The following STPG2 variants were observed in gnomAD, a reference collection of about 807,000 sequenced individuals.
STPG2 encodes the protein sperm-tail PG-rich repeat-containing protein 2.
In STPG2, 56 loss-of-function variants were observed where a neutral mutation model predicts 54.2. The observed-to-expected ratio is 1.03, with a 90% CI of 0.83 to 1.29. The LOEUF is 1.29. Ranked by LOEUF, STPG2 falls within the 50% of genes most tolerant of loss-of-function variation. STPG2 has a pLI of 0.00. For missense variants in STPG2, 596 were observed against 544.9 expected (o/e 1.09, Z -0.93); for synonymous variants, 200 against 181.8 (o/e 1.10, Z -0.81).
At chr4:97,472,335 G>C (rs1729957941) in intron 4 of STPG2, among the ~76,000 whole-genome samples, 1 of 152,198 alleles carries the variant, frequency 6.6e-6, no homozygotes. Context: ...CAGTCAGTGG[G>C]CATCCCCAAA....
chr4:98,100,818 G>A (rs1480175681), intron 5 of STPG2, among the ~76,000 whole-genome samples: 1 of 151,718 alleles, frequency 6.6e-6, no homozygotes, highest in Non-Finnish European at 1.5e-5. Context: ...TGGGATTACA[G>A]GCACGTGCCA....
At chr4:97,879,560 A>C (rs915246465) in intron 8 of STPG2, among the ~76,000 whole-genome samples, 2 of 152,162 alleles carry the variant, frequency 1.3e-5, no homozygotes, top group African/African-American at 2.4e-5. Flanking sequence ...TTATACCATG[A>C]GAACAGTATG....
At chr4:98,075,220 C>T (rs1302395057) in intron 5 of STPG2, among the ~76,000 whole-genome samples, 1 of 152,186 alleles carries the variant, frequency 6.6e-6, no homozygotes, top group Non-Finnish European at 1.5e-5. Flanking sequence ...ACATTTTTAG[C>T]TCCCACTTTC....
At chr4:97,933,085 T>C (rs896812433) in intron 8 of STPG2, among the ~76,000 whole-genome samples, 3 of 152,220 alleles carry the variant, frequency 2.0e-5, no homozygotes, top group Non-Finnish European at 4.4e-5. Flanking sequence ...TGGTATCTTA[T>C]TGTGGTTTTG....
chr4:98,113,515 G>A (rs887727764), intron 3 of STPG2, among the ~76,000 whole-genome samples: 7 of 152,058 alleles, frequency 4.6e-5, no homozygotes, highest in African/African-American at 7.2e-5. Flanking sequence ...AGCACTGTAC[G>A]TGGTCTCAGT....
At chr4:97,482,401 A>G (rs910765441) in intron 4 of STPG2, among the ~76,000 whole-genome samples, 31 of 151,688 alleles carry the variant, frequency 2.0e-4, no homozygotes, top group Non-Finnish European at 3.7e-4. Flanking sequence ...ACACTTATAG[A>G]AATGCAAAAT....
At chr4:97,566,539 G>A (rs1381647853) in intron 10 of STPG2, among the ~76,000 whole-genome samples, 2 of 152,180 alleles carry the variant, frequency 1.3e-5, no homozygotes, top group African/African-American at 2.4e-5. Context: ...CGCTCACGCT[G>A]GGAGCTGTAG....
chr4:98,018,192 A>G (rs1736033500), intron 5 of STPG2, among the ~76,000 whole-genome samples: 2 of 147,164 alleles, frequency 1.4e-5, no homozygotes, highest in Non-Finnish European at 1.5e-5. Context: ...AACAGTCCCC[A>G]GAGTGTGATG....
At chr4:97,967,682 A>G (rs868362616) in intron 7 of STPG2, among the ~76,000 whole-genome samples, 1 of 152,226 alleles carries the variant, frequency 6.6e-6, no homozygotes, top group Non-Finnish European at 1.5e-5. Context: ...GTGCAATCAA[A>G]TTAGAACTCA....
chr4:97,544,965 T>C (rs536190337), intron 4 of STPG2, among the ~76,000 whole-genome samples: 1 of 152,100 alleles, frequency 6.6e-6, no homozygotes, highest in African/African-American at 2.4e-5. Flanking sequence ...ATTGTTTTCT[T>C]ACACTGTAGC....
chr4:98,137,604 T>C (rs1414222026), intron 1 of STPG2, among the ~76,000 whole-genome samples: 5 of 151,782 alleles, frequency 3.3e-5, no homozygotes, highest in Admixed American at 3.3e-4. Context: ...CTGAGATAAA[T>C]ATGAAAACTA....
At chr4:97,919,449 A>T (rs1489236710) in intron 8 of STPG2, among the ~76,000 whole-genome samples, 1 of 59,534 alleles carries the variant, frequency 1.7e-5, no homozygotes, top group Non-Finnish European at 4.1e-5. Context: ...CAGAAAAATT[A>T]AAAAAAAGAA....
chr4:97,511,832 C>T (rs562314417), intron 4 of STPG2, among the ~76,000 whole-genome samples: 12 of 151,370 alleles, frequency 7.9e-5, no homozygotes, highest in African/African-American at 1.5e-4. Flanking sequence ...TGAGCTGGTA[C>T]GATTTTGCAA....
intron 4 of STPG2, among the ~76,000 whole-genome samples, chr4:97,449,657 C>T (rs556185516): frequency 6.6e-6 from 1 of 152,080 alleles, no homozygotes; most frequent in Non-Finnish European, 1.5e-5. Context: ...TTCCCCTCCA[C>T]AAGAATGCCA....
intron 5 of STPG2, among the ~76,000 whole-genome samples, chr4:98,078,256 T>C (rs758549105): frequency 3.9e-5 from 6 of 152,146 alleles, no homozygotes; most frequent in Non-Finnish European, 5.9e-5. Flanking sequence ...TTTGTTATCA[T>C]TATAATTTGG....
chr4:97,535,625 G>T (rs750942508), intron 4 of STPG2, among the ~76,000 whole-genome samples: 1 of 151,976 alleles, frequency 6.6e-6, no homozygotes, highest in African/African-American at 2.4e-5. Flanking sequence ...CCTCTTTCTT[G>T]TTCTGATGTA....
intron 9 of STPG2, among the ~76,000 whole-genome samples, chr4:97,772,535 C>A (rs1156506059): frequency 6.6e-6 from 1 of 151,896 alleles, no homozygotes; most frequent in Non-Finnish European, 1.5e-5. Context: ...AACAATAAAT[C>A]AAAAAACAGT....
At chr4:97,989,591 C>A (rs1734946906) in intron 5 of STPG2, among the ~76,000 whole-genome samples, 5 of 152,142 alleles carry the variant, frequency 3.3e-5, no homozygotes, top group Admixed American at 2.0e-4. Flanking sequence ...ATCTTAGCAA[C>A]CTCAACATAT....
chr4:98,097,583 C>T lies in STPG2; in HGVS notation c.612+8370G>A, dbSNP rs546472796. Reference sequence around the variant, plus strand: ...ACATGGAACATGACAAGGATGTCCACTTTCACCACTGTTACTCAACATAGT... The same window carrying T: ...ACATGGAACATGACAAGGATGTCCATTTTCACCACTGTTACTCAACATAGT... On this transcript the variant is annotated intron_variant, in intron 5 of 10. Transcript: ENST00000295268. Among the ~76,000 whole-genome samples the T allele has an allele frequency of 1.6e-4, 24 of 152,250 alleles. No individual in the cohort carries two copies. The South Asian group carries it at 4.8e-3, about 30-fold the overall frequency.
Sources: gnomAD v4.1 joint callset for allele counts (sites outside exome capture counted in the v4.1 genomes callset) on GRCh38, gnomAD v4.1.1 for gene constraint, MANE v1.5 for transcripts, NCBI Gene and HGNC (gene_info 2026-07-23, HGNC 2026-07-21) for gene names.